The following TMEM232 variants were observed in gnomAD, a reference collection of about 807,000 sequenced individuals.
TMEM232 encodes the protein transmembrane protein 232.
Under a neutral mutation model 78.8 loss-of-function variants are expected in TMEM232, and 80 were observed. The ratio of observed to expected loss-of-function variants is 1.01; its 90% CI spans 0.85 to 1.22. TMEM232 has a LOEUF of 1.22. TMEM232 is among the 50% of genes most tolerant of loss of function. The pLI, the probability that TMEM232 is intolerant of heterozygous loss-of-function variation, is 0.00. For missense variants in TMEM232, 881 were observed against 742.2 expected, an observed-to-expected ratio of 1.19 and a Z score of -2.17; for synonymous variants, 297 against 254.3, an observed-to-expected ratio of 1.17 and a Z score of -1.60.
intron 1 of TMEM232, among the ~76,000 whole-genome samples, chr5:110,708,840 G>T (rs538809622): frequency 1.8e-4 from 28 of 151,538 alleles, no homozygotes; most frequent in Non-Finnish European, 3.4e-4. Flanking sequence ...ACAGAAGACC[G>T]CAAAACAAAT....
At chr5:110,466,159 C>T (rs969165079) in intron 12 of TMEM232, among the ~76,000 whole-genome samples, 1 of 152,018 alleles carries the variant, frequency 6.6e-6, no homozygotes, top group Non-Finnish European at 1.5e-5. Flanking sequence ...TTGAAAAATT[C>T]CCAAAATATT....
intron 10 of TMEM232, among the ~76,000 whole-genome samples, chr5:110,578,942 A>T (rs1393851236): frequency 6.6e-6 from 1 of 151,866 alleles, no homozygotes; most frequent in East Asian, 1.9e-4. Context: ...TTTAGAAAAC[A>T]CAATTGGCTG....
intron 2 of TMEM232, among the ~76,000 whole-genome samples, chr5:110,660,817 T>C (rs574072173): frequency 6.6e-6 from 1 of 152,290 alleles, no homozygotes; most frequent in South Asian, 2.1e-4. Flanking sequence ...ACCTCAAGCA[T>C]TTATCATTTA....
intron 1 of TMEM232, among the ~76,000 whole-genome samples, chr5:110,685,963 G>T (rs1262266756): frequency 6.6e-6 from 1 of 152,108 alleles, no homozygotes; most frequent in East Asian, 1.9e-4. Context: ...CATGGTGATG[G>T]TCTATGGGAG....
intron 6 of TMEM232, among the ~76,000 whole-genome samples, chr5:110,627,369 A>G (rs934429738): frequency 2.6e-5 from 4 of 152,052 alleles, no homozygotes; most frequent in Non-Finnish European, 5.9e-5. Flanking sequence ...CAGAATACAG[A>G]ATGAGGATTA....
At chr5:110,515,938 T>C (rs1379981120) in intron 12 of TMEM232, among the ~76,000 whole-genome samples, 1 of 152,194 alleles carries the variant, frequency 6.6e-6, no homozygotes. Context: ...TGATGAATAT[T>C]CTTTAACATA....
chr5:110,576,424 A>G (rs900635603), intron 10 of TMEM232, among the ~76,000 whole-genome samples: 9 of 152,154 alleles, frequency 5.9e-5, no homozygotes, highest in Non-Finnish European at 5.9e-5. Flanking sequence ...GCTTATAGAT[A>G]AGAAGAATCA....
At chr5:110,577,151 A>C (rs1429046931) in intron 10 of TMEM232, among the ~76,000 whole-genome samples, 2 of 152,140 alleles carry the variant, frequency 1.3e-5, no homozygotes, top group African/African-American at 2.4e-5. Context: ...TCTAACATGC[A>C]GCAACTATAA....
In TMEM232 at chr5:110,432,383, C is replaced by A. The variant is rs985502376; in HGVS notation, c.1704-7467G>T. On this transcript the variant is annotated intron_variant, in intron 12 of 13. Transcript: ENST00000455884. ...TAAAGAATTTCAAATCCTGCCAAAC[C>A]GAGCTTCATAAACGAAGGAGAATGA... Among the ~76,000 whole-genome samples, 7 of 151,644 alleles carry A rather than the reference C, an allele frequency of 4.6e-5. No individual in the cohort carries two copies. The South Asian group carries it at 1.2e-3, about 27-fold the overall frequency.
At chr5:110,671,758 C>G (rs1791376147) in intron 1 of TMEM232, among the ~76,000 whole-genome samples, 1 of 151,886 alleles carries the variant, frequency 6.6e-6, no homozygotes. Context: ...GGTGGGGGGC[C>G]AGAGGAGCGA....
At chr5:110,698,259 G>C (rs1795035636) in intron 1 of TMEM232, among the ~76,000 whole-genome samples, 1 of 151,786 alleles carries the variant, frequency 6.6e-6, no homozygotes, top group Non-Finnish European at 1.5e-5. Context: ...ACACAGGAAG[G>C]GGAACATCAC....
At chr5:110,604,273 C>T (rs1181365870) in intron 10 of TMEM232, among the ~76,000 whole-genome samples, 1 of 151,946 alleles carries the variant, frequency 6.6e-6, no homozygotes, top group Non-Finnish European at 1.5e-5. Context: ...TTAACATTGT[C>T]CCCATAGTAC....
At chr5:110,701,979 T>C (rs1795479713) in intron 1 of TMEM232, among the ~76,000 whole-genome samples, 1 of 151,968 alleles carries the variant, frequency 6.6e-6, no homozygotes, top group East Asian at 1.9e-4. Context: ...AAATCCAAAT[T>C]GAGTAACTAG....
Position 110,653,272 on chromosome 5 carries a change from C to A in TMEM232, c.126-10901G>T, listed in dbSNP as rs146328040. Among the ~76,000 whole-genome samples the A allele has an allele frequency of 6.4e-3, 970 of 152,304 alleles. 19 individuals carry two copies. The highest frequency in any genetic ancestry group is 0.022 in the African/African-American group (897 of 41,578). On this transcript the variant is annotated intron_variant, in intron 2 of 13. Transcript: ENST00000455884. ...TTCCAACACTTCCATGTCCTATAATCTTTGCTGAATCACTTAATCTGTGGG... is the reference window on the plus strand; with the variant it reads ...TTCCAACACTTCCATGTCCTATAATATTTGCTGAATCACTTAATCTGTGGG...
intron 8 of TMEM232, among the ~76,000 whole-genome samples, chr5:110,607,508 C>T (rs1433617839): frequency 6.6e-6 from 1 of 151,956 alleles, no homozygotes; most frequent in Non-Finnish European, 1.5e-5. Flanking sequence ...AAGTTAGCCC[C>T]CTCAAGATGG....
intron 12 of TMEM232, among the ~76,000 whole-genome samples, chr5:110,442,379 T>G (rs903826086): frequency 6.6e-6 from 1 of 151,982 alleles, no homozygotes; most frequent in Non-Finnish European, 1.5e-5. Flanking sequence ...CACTAATTCT[T>G]TCTTCTGCTT....
At chr5:110,478,146 T>C (rs1216964556) in intron 12 of TMEM232, among the ~76,000 whole-genome samples, 1 of 151,980 alleles carries the variant, frequency 6.6e-6, no homozygotes. Context: ...TCCCACGCTA[T>C]GAATTTTTCC....
Position 110,464,672 on chromosome 5 carries a change from A to G in TMEM232, c.1704-39756T>C, listed in dbSNP as rs186484056. ...ATTTGACACCACTAAGTTTATGGGA[A>G]AAGCTGTTCCATGTAACAACTAAGT... On this transcript the variant is annotated intron_variant, in intron 12 of 13. Coordinates refer to ENST00000455884, the MANE Select transcript of TMEM232 (RefSeq NM_001039763.4). Among the ~76,000 whole-genome samples the G allele has an allele frequency of 1.8e-3, 267 of 152,328 alleles. 1 individual carries two copies. Among genetic ancestry groups the G allele is most frequent in the Middle Eastern group, 3.4e-3 (1 of 294 alleles).
chr5:110,477,533 A>T (rs1490033318), intron 12 of TMEM232, among the ~76,000 whole-genome samples: 3 of 151,892 alleles, frequency 2.0e-5, no homozygotes, highest in Non-Finnish European at 4.4e-5. Context: ...GTATAATATT[A>T]ACAATAATAT....
Sources: gnomAD v4.1 joint callset for allele counts (sites outside exome capture counted in the v4.1 genomes callset) on GRCh38, gnomAD v4.1.1 for gene constraint, MANE v1.5 for transcripts, NCBI Gene and HGNC (gene_info 2026-07-23, HGNC 2026-07-21) for gene names.